IFFO2: variants seen among roughly 807,000 people sequenced by gnomAD.
IFFO2 encodes intermediate filament family orphan 2.
IFFO2 carries 19 observed loss-of-function variants against 53.5 expected under a neutral mutation model. The ratio of observed to expected loss-of-function variants is 0.36; its 90% CI spans 0.25 to 0.52. IFFO2 has a LOEUF of 0.52. Among genes scored for constraint, IFFO2 ranks in the 20% least tolerant of loss-of-function variants. The probability of loss-of-function intolerance (pLI) is 0.94; values close to 1 mark genes in which losing one functional copy is unlikely to be tolerated. For missense variants in IFFO2, 570 were observed against 727.4 expected, an observed-to-expected ratio of 0.78 and a Z score of 2.49; for synonymous variants, 303 against 313.6, an observed-to-expected ratio of 0.97 and a Z score of 0.36.
chr1:18,924,661 G>A (rs1029858927), intron 1 of IFFO2, among the ~76,000 whole-genome samples: 4 of 152,198 alleles, frequency 2.6e-5, no homozygotes, highest in East Asian at 1.9e-4. Context: ...TCCTACGCCC[G>A]GGCCCTTTAA....
chr1:18,928,963 C>T lies in IFFO2; in HGVS notation c.666-7842G>A, dbSNP rs76968190. On this transcript the variant is annotated intron_variant, in intron 1 of 8. Transcript: ENST00000455833. This position sits in a 1 kb window ranked among gnomAD's most constrained non-coding sequence, Gnocchi z 4.9. ...CAGCCTGCACTCAACAGCAGACACC[C>T]GCTGGGTGCCCTCTCCCAGAAGAAG... is the stretch of plus-strand genomic sequence containing the variant. Among the ~76,000 whole-genome samples, 5,838 of 152,290 alleles carry T rather than the reference C, an allele frequency of 0.038. 171 individuals carry two copies. The highest frequency in any genetic ancestry group is 0.062 in the Middle Eastern group (18 of 292).
chr1:18,905,042 C>T lies in IFFO2; in HGVS notation c.*3519G>A, dbSNP rs961204502. ...ACGCAACTGGGTTGGAAATGGATCT[C>T]GGCAGACCAGAGTCAGAGTAACTAA... On this transcript the variant is annotated 3_prime_UTR_variant, in exon 9 of 9. Coordinates refer to ENST00000455833, the MANE Select transcript of IFFO2 (RefSeq NM_001136265.2). 3.3e-5 allele frequency: 5 copies of T among 152,208 alleles called. No homozygotes were observed. The highest frequency in any genetic ancestry group is 1.2e-4 in the African/African-American group (5 of 41,442). The allele number at this position is 152,208 out of a possible 1,614,324, so 9.4% of individuals were successfully genotyped here. A position where few individuals can be genotyped will look rare whatever the true frequency, so the allele number is the denominator to read the frequency against.
At position 18,909,510 on chromosome 1, in the gene IFFO2, T is replaced by C. The variant is rs1307014502; in HGVS notation, c.1448+832A>G. ...TAGCTCCCATAATCCCCACGTGTCA[T>C]GAGAGGGACCAGTTAGAGATAATTG... On this transcript the variant is annotated intron_variant, in intron 8 of 8. Coordinates refer to ENST00000455833, the MANE Select transcript of IFFO2 (RefSeq NM_001136265.2). Among the ~76,000 whole-genome samples the C allele has an allele frequency of 2.6e-5, 4 of 152,296 alleles. No individual in the cohort carries two copies. In the South Asian group the frequency reaches 8.3e-4, roughly 32 times the overall value.
rs765575278 is a variant in IFFO2, at chr1:18,916,919, G to A, written c.1087C>T (p.Arg363Cys). Residue 363 changes from arginine (R) to cysteine (C), a missense_variant, in exon 5 of 9, where the codon CGC (arginine) becomes TGC (cysteine). By Grantham distance (180) the Arg-to-Cys change is radical. Coordinates refer to ENST00000455833, the MANE Select transcript of IFFO2 (RefSeq NM_001136265.2). This position sits in a 1 kb window ranked among gnomAD's most constrained non-coding sequence, Gnocchi z 4.3. ...GSMNITDEMK[R>C]MFNQLRETFD... The stretch of plus-strand genomic sequence containing the variant: ...GATACTCACAGCTGGTTAAACATGC[G>A]CTTCATCTCATCGGTGATGTTCATG... 4.3e-5 allele frequency: 67 copies of A among 1,551,734 alleles called. No individual in the cohort carries two copies. The highest frequency in any genetic ancestry group is 4.2e-4 in the East Asian group (17 of 40,940).
At chr1:18,926,112 T>A (rs1936292698) in intron 1 of IFFO2, among the ~76,000 whole-genome samples, 1 of 99,034 alleles carries the variant, frequency 1.0e-5, no homozygotes. Flanking sequence ...ATTGGTTGGA[T>A]GGATAGATGG....
At chr1:18,913,231 C>A (rs1034418185) in intron 5 of IFFO2, among the ~76,000 whole-genome samples, 1 of 152,216 alleles carries the variant, frequency 6.6e-6, no homozygotes, top group African/African-American at 2.4e-5. Context: ...CAGGCCGGGC[C>A]GGCTCCCCTC....
chr1:18,944,929 G>A (rs1456925601), intron 1 of IFFO2, among the ~76,000 whole-genome samples: 1 of 152,346 alleles, frequency 6.6e-6, no homozygotes. Context: ...AGAAGAGCAT[G>A]AGGAGGGAGG....
rs576514480 is a variant in IFFO2 at position 18,947,668 on chromosome 1, A to G, written c.665+8000T>C. ...CAACTCCTCCCCTGCCAGCCCTGCC[A>G]GCCCCCATTGAGACCTTCTCCAAAG... On this transcript the variant is annotated intron_variant, in intron 1 of 8. Transcript: ENST00000455833. This position sits in a 1 kb window ranked among gnomAD's most constrained non-coding sequence, Gnocchi z 5.0. Among the ~76,000 whole-genome samples, 1 of 152,314 alleles carries G rather than the reference A, an allele frequency of 6.6e-6. No individual in the cohort carries two copies. The highest frequency in any genetic ancestry group is 2.4e-5 in the African/African-American group (1 of 41,554).
At chr1:18,912,984 G>A (rs1395787557) in intron 5 of IFFO2, among the ~76,000 whole-genome samples, 2 of 152,218 alleles carry the variant, frequency 1.3e-5, no homozygotes, top group Non-Finnish European at 2.9e-5. Flanking sequence ...CTATTTCCAA[G>A]GGGAAGGCTG....
rs779337929 is a variant in IFFO2 at position 18,918,623 on chromosome 1, C to T, written c.823-121G>A. On this transcript the variant is annotated intron_variant, in intron 3 of 8. Coordinates refer to ENST00000455833, the MANE Select transcript of IFFO2 (RefSeq NM_001136265.2). The surrounding 1 kb of genome is among the most constrained non-coding windows in gnomAD (Gnocchi z 5.2). ...GTGGTGCGGGGAGGCCTCCAGAGTCCGAGGGTGCCTTGGGCTTTTCCGTGG... is the reference window on the plus strand; with the variant it reads ...GTGGTGCGGGGAGGCCTCCAGAGTCTGAGGGTGCCTTGGGCTTTTCCGTGG... 1.9e-5 allele frequency: 17 copies of T among 918,074 alleles called. No individual in the cohort carries two copies. The highest frequency in any genetic ancestry group is 1.6e-4 in the Admixed American group (6 of 37,160). 56.9% of individuals were successfully genotyped at this position (918,074 alleles called of 1,614,324 possible).
chr1:18,919,851 A>G lies in IFFO2; in HGVS notation c.727-78T>C, dbSNP rs1404684443. ...GGAGGGTCTGGACACCTGAGTCCAG[A>G]GCCCTAGGCACCCGATGTCCACCCC... is the stretch of plus-strand genomic sequence containing the variant. On this transcript the variant is annotated intron_variant, in intron 2 of 8. Coordinates refer to ENST00000455833, the MANE Select transcript of IFFO2 (RefSeq NM_001136265.2). This position sits in a 1 kb window ranked among gnomAD's most constrained non-coding sequence, Gnocchi z 4.9. 1.2e-5 allele frequency: 12 copies of G among 998,084 alleles called. No homozygotes were observed. Among genetic ancestry groups the G allele is most frequent in the Non-Finnish European group, 1.8e-5 (12 of 661,380 alleles). The allele number at this position is 998,084 out of a possible 1,614,324, so 61.8% of individuals were successfully genotyped here.
At chr1:18,934,884 T>G (rs1936424951) in intron 1 of IFFO2, among the ~76,000 whole-genome samples, 1 of 152,234 alleles carries the variant, frequency 6.6e-6, no homozygotes. Flanking sequence ...CGCAGAGTCC[T>G]TGCAATCTAA....
intron 1 of IFFO2, among the ~76,000 whole-genome samples, chr1:18,940,627 G>A (rs991441411): frequency 6.6e-6 from 1 of 152,048 alleles, no homozygotes. Flanking sequence ...ACGGACAGAC[G>A]GATGGAAGAA....
intron 1 of IFFO2, among the ~76,000 whole-genome samples, chr1:18,950,782 G>A (rs1936650269): frequency 6.6e-6 from 1 of 152,148 alleles, no homozygotes; most frequent in Non-Finnish European, 1.5e-5. Flanking sequence ...AATGGGCGGG[G>A]GACACTCCAG....
chr1:18,926,058 TTGGATGGATGGATGGA>T (rs1197590902), intron 1 of IFFO2, among the ~76,000 whole-genome samples: 1 of 48,252 alleles, frequency 2.1e-5, no homozygotes, highest in East Asian at 7.1e-4. Flanking sequence ...GATGGATTGG[TTGGATGGATGGATGGA>T]TGGATGGATG....
intron 1 of IFFO2, among the ~76,000 whole-genome samples, chr1:18,948,628 C>A (rs28499478): frequency 0.79 from 120,564 of 152,212 alleles, 48,885 homozygotes; most frequent in East Asian, 0.94. Flanking sequence ...GGGCAGGCGG[C>A]GGCAACATCA....
At chr1:18,921,587 C>G (rs1362921441) in intron 1 of IFFO2, among the ~76,000 whole-genome samples, 1 of 152,254 alleles carries the variant, frequency 6.6e-6, no homozygotes, top group East Asian at 1.9e-4. Flanking sequence ...GCCCGACAGC[C>G]TACCCAAACC....
intron 1 of IFFO2, among the ~76,000 whole-genome samples, chr1:18,923,501 G>A (rs938700875): frequency 5.9e-5 from 9 of 152,222 alleles, no homozygotes; most frequent in South Asian, 2.1e-4. Flanking sequence ...TGGGGGGTAC[G>A]TTCTGGGCCC....
chr1:18,929,601 G>A (rs1035677187), intron 1 of IFFO2, among the ~76,000 whole-genome samples: 191 of 152,176 alleles, frequency 1.3e-3, no homozygotes, highest in African/African-American at 4.5e-3. Context: ...CTTGTTTCCT[G>A]GTGACCAAGG....
Sources: gnomAD v4.1 joint callset for allele counts (sites outside exome capture counted in the v4.1 genomes callset) on GRCh38, gnomAD v4.1.1 for gene constraint, Gnocchi (gnomAD v3.1) non-coding constraint, MANE v1.5 for transcripts, NCBI Gene and HGNC (gene_info 2026-07-23, HGNC 2026-07-21) for gene names.